Variants in CDH12 observed in about 807,000 individuals in gnomAD.
The protein encoded by CDH12 is cadherin-12.
Under a neutral mutation model 74.1 loss-of-function variants are expected in CDH12, and 41 were observed. That is an observed-to-expected ratio of 0.55 (90% CI 0.43 to 0.72). The LOEUF (loss-of-function observed/expected upper bound fraction) is 0.72. Among genes scored for constraint, CDH12 ranks in the 30% least tolerant of loss-of-function variants. The pLI is 0.00. For synonymous variants in CDH12, 399 were observed against 355.0 expected, an observed-to-expected ratio of 1.12 and a Z score of -1.39; for missense variants, 945 against 977.2, an observed-to-expected ratio of 0.97 and a Z score of 0.44.
chr5:22,139,022 T>C (rs1320320295), intron 4 of CDH12, among the ~76,000 whole-genome samples: 1 of 150,912 alleles, frequency 6.6e-6, no homozygotes, highest in Non-Finnish European at 1.5e-5. Flanking sequence ...CCTATAACTT[T>C]TCTCCCAATA....
intron 2 of CDH12, among the ~76,000 whole-genome samples, chr5:22,407,292 C>T (rs1742980354): frequency 6.6e-6 from 1 of 152,050 alleles, no homozygotes; most frequent in African/African-American, 2.4e-5. Context: ...ATCCAATTTC[C>T]TAAACTCCAG....
At chr5:22,003,549 C>G (rs1041709586) in intron 5 of CDH12, among the ~76,000 whole-genome samples, 34 of 152,162 alleles carry the variant, frequency 2.2e-4, no homozygotes, top group Admixed American at 2.6e-4. Context: ...GCCTCAATTA[C>G]ATTGGCAGTG....
At chr5:22,395,197 G>A (rs184051632) in intron 3 of CDH12, among the ~76,000 whole-genome samples, 12 of 152,298 alleles carry the variant, frequency 7.9e-5, no homozygotes, top group Non-Finnish European at 1.2e-4. Flanking sequence ...GAATCTTTGA[G>A]TCAGACAAAA....
intron 1 of CDH12, among the ~76,000 whole-genome samples, chr5:22,655,879 T>TA (rs1368895252): frequency 6.6e-6 from 1 of 152,216 alleles, no homozygotes. Flanking sequence ...TAATTAAACT[T>TA]AATTACTTCT....
chr5:22,254,731 T>C, intron 3 of CDH12, among the ~76,000 whole-genome samples: 1 of 151,834 alleles, frequency 6.6e-6, no homozygotes, highest in East Asian at 1.9e-4. Flanking sequence ...AGTGATTTTT[T>C]TAATTTTAAT....
At chr5:21,864,062 A>T (rs7449223) in intron 6 of CDH12, among the ~76,000 whole-genome samples, 145,512 of 152,174 alleles carry the variant, frequency 0.96, 69,864 homozygotes, top group Non-Finnish European at 1. Context: ...AAATAAAATT[A>T]AAAAATTGTA....
chr5:22,584,943 A>T (rs1740306036), intron 1 of CDH12, among the ~76,000 whole-genome samples: 1 of 152,184 alleles, frequency 6.6e-6, no homozygotes, highest in Admixed American at 6.5e-5. Flanking sequence ...ATCTTAAAAA[A>T]ATTTACTACT....
chr5:22,510,434 G>A (rs1057441956), intron 1 of CDH12, among the ~76,000 whole-genome samples: 1 of 152,096 alleles, frequency 6.6e-6, no homozygotes, highest in African/African-American at 2.4e-5. Context: ...AAATATGTAC[G>A]AACGTTTCAC....
intron 1 of CDH12, among the ~76,000 whole-genome samples, chr5:22,822,947 A>G (rs1181958031): frequency 2.0e-5 from 3 of 152,122 alleles, no homozygotes; most frequent in African/African-American, 2.4e-5. Flanking sequence ...TGTTTATTGC[A>G]GCACTATTCA....
chr5:22,441,557 C>T (rs775958203), intron 2 of CDH12, among the ~76,000 whole-genome samples: 31 of 152,096 alleles, frequency 2.0e-4, no homozygotes, highest in East Asian at 9.7e-4. Context: ...AGTCAATGGC[C>T]TCAGTTTGAA....
At chr5:22,765,343 T>G (rs1490716949) in intron 1 of CDH12, among the ~76,000 whole-genome samples, 4 of 151,964 alleles carry the variant, frequency 2.6e-5, no homozygotes, top group African/African-American at 9.7e-5. Flanking sequence ...GGTATGATGG[T>G]TGTAGCAGAT....
chr5:22,593,966 T>A (rs1004481354), intron 1 of CDH12, among the ~76,000 whole-genome samples: 2 of 152,192 alleles, frequency 1.3e-5, no homozygotes, highest in Admixed American at 1.3e-4. Flanking sequence ...GATTTACTAT[T>A]TGCCTTATTA....
At chr5:22,756,716 C>A (rs1745936228) in intron 1 of CDH12, among the ~76,000 whole-genome samples, 1 of 152,086 alleles carries the variant, frequency 6.6e-6, no homozygotes, top group South Asian at 2.1e-4. Context: ...AATCCCAGCA[C>A]TTTGGGAGCC....
chr5:22,062,150 T>G (rs1479136590), intron 5 of CDH12, among the ~76,000 whole-genome samples: 1 of 152,162 alleles, frequency 6.6e-6, no homozygotes, highest in African/African-American at 2.4e-5. Flanking sequence ...GATTTAAAGA[T>G]AGTTGAACTT....
At chr5:22,000,961 A>G (rs1736571308) in intron 5 of CDH12, among the ~76,000 whole-genome samples, 1 of 152,192 alleles carries the variant, frequency 6.6e-6, no homozygotes, top group Non-Finnish European at 1.5e-5. Flanking sequence ...AATTTCATTG[A>G]TGCAGTTTTC....
chr5:22,601,988 T>C (rs1257706567), intron 1 of CDH12, among the ~76,000 whole-genome samples: 1 of 152,130 alleles, frequency 6.6e-6, no homozygotes, highest in African/African-American at 2.4e-5. Context: ...AGGGAATAAC[T>C]ATATATGAAA....
intron 6 of CDH12, among the ~76,000 whole-genome samples, chr5:21,899,255 A>C (rs529361785): frequency 2.0e-5 from 3 of 152,308 alleles, no homozygotes; most frequent in African/African-American, 7.2e-5. Context: ...TTGCATTACA[A>C]ATCTTTATGT....
At chr5:22,758,607 CTTATAAGG>C (rs1746053943) in intron 1 of CDH12, among the ~76,000 whole-genome samples, 1 of 151,346 alleles carries the variant, frequency 6.6e-6, no homozygotes, top group African/African-American at 2.4e-5. Context: ...TAACAATTCT[CTTATAAGG>C]CAGTTTTACG....
chr5:22,757,594 A>C (rs939821754), intron 1 of CDH12, among the ~76,000 whole-genome samples: 8 of 152,198 alleles, frequency 5.3e-5, no homozygotes, highest in Non-Finnish European at 7.3e-5. Flanking sequence ...GTTAACATAC[A>C]TGGATACTTA....
Sources: allele counts gnomAD v4.1 joint callset (sites outside exome capture counted in the v4.1 genomes callset), GRCh38; gene constraint gnomAD v4.1.1; transcripts MANE v1.5; gene names NCBI Gene and HGNC (gene_info 2026-07-23, HGNC 2026-07-21).